TF: variants seen among roughly 807,000 people sequenced by gnomAD.
The protein encoded by TF is serotransferrin.
In TF, 55 loss-of-function variants were observed where a neutral mutation model predicts 82.4. The observed-to-expected ratio is 0.67, with a 90% CI of 0.54 to 0.84. TF has a LOEUF of 0.84. Ranked by LOEUF, TF falls within the 40% of genes least tolerant of loss-of-function variation. TF has a pLI of 0.00. For missense variants in TF, 737 were observed against 868.4 expected (o/e 0.85, Z 1.90); for synonymous variants, 332 against 332.6 (o/e 1.00, Z 0.02).
At chr3:133,730,260 G>T in the TF span, among the ~76,000 whole-genome samples, 14 of 152,144 alleles carry the variant, frequency 9.2e-5, no homozygotes, top group African/African-American at 3.4e-4. Flanking sequence ...GGAGTTTCTG[G>T]GGACAGGACC....
the TF span, among the ~76,000 whole-genome samples, chr3:133,694,850 TTTTATTTATTTA>T: frequency 0.039 from 5,758 of 146,984 alleles, 379 homozygotes; most frequent in African/African-American, 0.13. Flanking sequence ...AAGCCTTTAG[TTTTATTTATTTA>T]TTTATTTATT....
chr3:133,693,185 A>T, the TF span, among the ~76,000 whole-genome samples: 2 of 152,152 alleles, frequency 1.3e-5, no homozygotes, highest in Non-Finnish European at 2.9e-5. Flanking sequence ...GCTTGGCTTG[A>T]CAAGGGCCAT....
the TF span, among the ~76,000 whole-genome samples, chr3:133,729,257 A>G: frequency 6.6e-6 from 1 of 152,214 alleles, no homozygotes; most frequent in Non-Finnish European, 1.5e-5. Context: ...CCCTGCCCCC[A>G]GAGATGGAGC....
At chr3:133,744,190 T>C (rs904946863), upstream of TF, among the ~76,000 whole-genome samples, 5 of 152,260 alleles carry the variant, frequency 3.3e-5, no homozygotes, top group African/African-American at 9.6e-5. Context: ...TGCTCCCTGC[T>C]GAGGGGCTCT....
chr3:133,756,792 C>A (rs773995159), intron 6 of TF, 39 bp from the exon 7 acceptor site: 1 of 1,612,810 alleles, frequency 6.2e-7, no homozygotes, highest in Non-Finnish European at 8.5e-7. Context: ...CAGCCCATGG[C>A]TCTCCTGTGT....
In TF at chr3:133,787,619, C is replaced by A. The variant is rs952740461; in HGVS notation, c.*8999C>A. ...GTGTTTGCAAGTGGGATTGTTAAAT[C>A]ACCTCTGTGAACAGTGTTACTTGTT... On this transcript the variant is annotated 3_prime_UTR_variant, in exon 17 of 17. Coordinates refer to ENST00000402696, the MANE Select transcript of TF (RefSeq NM_001063.4). 2.6e-5 allele frequency: 4 copies of A among 152,142 alleles called. No homozygotes were observed. Among genetic ancestry groups the A allele is most frequent in the Admixed American group, 2.6e-4 (4 of 15,272 alleles). The allele number at this position is 152,142 out of a possible 1,614,324, so 9.4% of individuals were successfully genotyped here.
chr3:133,710,404 C>A, the TF span, among the ~76,000 whole-genome samples: 2 of 152,202 alleles, frequency 1.3e-5, no homozygotes, highest in South Asian at 4.2e-4. Flanking sequence ...TTGGTGTGCC[C>A]CCAACATTTA....
the TF span, among the ~76,000 whole-genome samples, chr3:133,729,188 C>G: frequency 2.0e-5 from 3 of 152,222 alleles, no homozygotes; most frequent in Non-Finnish European, 4.4e-5. Flanking sequence ...CTCTTCAAAG[C>G]TGTCAGACAG....
intron 14 of TF, 97 bp downstream of exon 14, chr3:133,770,669 A>G (rs960440457): frequency 8.2e-7 from 1 of 1,224,380 alleles, no homozygotes; most frequent in African/African-American, 1.5e-5. Flanking sequence ...TATTATGTAC[A>G]CTGTCAGACT....
At chr3:133,684,228 G>A in the TF span, among the ~76,000 whole-genome samples, 22 of 152,226 alleles carry the variant, frequency 1.4e-4, no homozygotes, top group African/African-American at 3.1e-4. Context: ...TTTGTAGCAC[G>A]AAATGCCCAC....
At chr3:133,753,259 G>A (rs1243100385) in intron 2 of TF, among the ~76,000 whole-genome samples, 2 of 152,174 alleles carry the variant, frequency 1.3e-5, no homozygotes, top group East Asian at 1.9e-4. Context: ...CTGGGGTGGC[G>A]AGGGCGGCTT....
the TF span, among the ~76,000 whole-genome samples, chr3:133,695,310 T>C: frequency 1.4e-5 from 2 of 146,976 alleles, no homozygotes; most frequent in Non-Finnish European, 3.0e-5. Context: ...TGCAGTGGCA[T>C]GATCTCGGCT....
chr3:133,740,474 G>A, the TF span, among the ~76,000 whole-genome samples: 1 of 152,084 alleles, frequency 6.6e-6, no homozygotes, highest in Middle Eastern at 3.2e-3. Flanking sequence ...AGGACTACAG[G>A]TACATGCTAC....
intron 8 of TF, 65 bp downstream of exon 8, chr3:133,758,011 G>C (rs1933887917): frequency 2.0e-6 from 3 of 1,529,136 alleles, no homozygotes; most frequent in Admixed American, 3.5e-5. Flanking sequence ...ACAGGGGCCA[G>C]AGATTGAGTC....
chr3:133,754,659 C>G lies in TF; in HGVS notation c.490C>G (p.Pro164Ala). The G allele has an allele frequency of 6.2e-7, 1 of 1,614,202 alleles. No homozygotes were observed. Among genetic ancestry groups the G allele is most frequent in the Non-Finnish European group, 8.5e-7 (1 of 1,180,038 alleles). ...CTGTGACTTACCTGAGCCACGTAAA[C>G]CTCTTGAGAAAGGTAAGCTGGCAGG... ...LYCDLPEPRK[P>A]LEKAVANFFS... The change falls in exon 4 of 17, where the codon CCT (proline) becomes GCT (alanine). Residue 164 changes from proline (P) to alanine (A), a missense_variant. By Grantham distance (27) the Pro-to-Ala change is conservative. Transcript: ENST00000402696.
intron 9 of TF, among the ~76,000 whole-genome samples, chr3:133,763,553 G>A (rs984446016): frequency 3.9e-5 from 6 of 152,110 alleles, no homozygotes; most frequent in African/African-American, 1.4e-4. Flanking sequence ...TGTCCAAATA[G>A]TTGCCCACCA....
chr3:133,722,746 T>C, the TF span, among the ~76,000 whole-genome samples: 3 of 152,308 alleles, frequency 2.0e-5, no homozygotes, highest in Admixed American at 1.3e-4. Flanking sequence ...CAGCCACTAA[T>C]TGTAGTTGTT....
the TF span, among the ~76,000 whole-genome samples, chr3:133,680,297 C>G: frequency 6.6e-6 from 1 of 152,072 alleles, no homozygotes; most frequent in East Asian, 1.9e-4. Flanking sequence ...TCTCGACCTC[C>G]TGGACTCAAG....
the TF span, among the ~76,000 whole-genome samples, chr3:133,724,206 T>C: frequency 3.9e-5 from 6 of 152,220 alleles, no homozygotes; most frequent in African/African-American, 1.4e-4. Flanking sequence ...GTATTTCTAG[T>C]TCTAGATCCC....
Sources: gnomAD v4.1 joint callset for allele counts (sites outside exome capture counted in the v4.1 genomes callset) on GRCh38, gnomAD v4.1.1 for gene constraint, MANE v1.5 for transcripts, NCBI Gene and HGNC (gene_info 2026-07-23, HGNC 2026-07-21) for gene names.